Variants in FOXN2 observed in about 807,000 individuals in gnomAD.
The protein encoded by FOXN2 is forkhead box N2, also known as forkhead box protein N2.
In FOXN2, 19 loss-of-function variants were observed where a neutral mutation model predicts 41.2. The ratio of observed to expected loss-of-function variants is 0.46; its 90% confidence interval spans 0.32 to 0.68. The LOEUF (loss-of-function observed/expected upper bound fraction) is 0.68, where lower values mean the gene tolerates loss of function less well. FOXN2 is among the 30% of genes least tolerant of loss of function. The pLI is 0.03. For missense variants in FOXN2, 587 were observed against 509.4 expected (o/e 1.15, Z -1.47); for synonymous variants, 195 against 176.8 (o/e 1.10, Z -0.82).
At chr2:48,374,723 A>T (rs932427919) in intron 6 of FOXN2, among the ~76,000 whole-genome samples, 197 bp from the exon 7 acceptor site, 1 of 152,212 alleles carries the variant, frequency 6.6e-6, no homozygotes, top group African/African-American at 2.4e-5. Flanking sequence ...AAAAGTCAAG[A>T]CATTGTTAAA....
At chr2:48,330,037 C>A (rs897465414) in intron 2 of FOXN2, among the ~76,000 whole-genome samples, 32 of 151,252 alleles carry the variant, frequency 2.1e-4, no homozygotes, top group African/African-American at 7.3e-4. Flanking sequence ...GAGTGAGAAC[C>A]AACCTTAATT....
At position 48,343,083 on chromosome 2, in the gene FOXN2, T is replaced by C. The variant is rs574749645; in HGVS notation, c.-14-3118T>C. On this transcript the variant is annotated intron_variant, in intron 2 of 6. Transcript: ENST00000340553. ...TAAAACTCACTATTTCTGTTTTAAG[T>C]AGTATTGATAAAAATTCAAGTTTCT... Among the ~76,000 whole-genome samples the C allele has an allele frequency of 3.4e-4, 52 of 152,336 alleles. 1 individual carries two copies. Among genetic ancestry groups the C allele is most frequent in the African/African-American group, 1.1e-3 (47 of 41,586 alleles).
rs1398713763 is a variant in FOXN2, at chr2:48,359,270, A to T, written c.638+123A>T. 8.7e-6 allele frequency: 6 copies of T among 689,504 alleles called. No homozygotes were observed. The East Asian group carries it at 9.3e-5, about 11-fold the overall frequency. The allele number at this position is 689,504 out of a possible 1,614,324, so 42.7% of individuals were successfully genotyped here. On this transcript the variant is annotated intron_variant, in intron 4 of 6. Coordinates refer to ENST00000340553, the MANE Select transcript of FOXN2 (RefSeq NM_002158.4). Reference sequence around the variant, plus strand: ...TTGTATAAAGAAGTATTTATGTTTTATTTAGTTTTTAGTTTTTAGTTTTTG... The same window carrying T: ...TTGTATAAAGAAGTATTTATGTTTTTTTTAGTTTTTAGTTTTTAGTTTTTG...
chr2:48,356,781 T>A (rs1388968295), intron 3 of FOXN2, among the ~76,000 whole-genome samples: 1 of 152,236 alleles, frequency 6.6e-6, no homozygotes, highest in African/African-American at 2.4e-5. Context: ...TTACCACTTC[T>A]GTTAAGACAA....
chr2:48,346,173 A>C (rs1458084471), intron 2 of FOXN2, 28 bp from the exon 3 acceptor site: 1 of 1,523,500 alleles, frequency 6.6e-7, no homozygotes, highest in East Asian at 2.3e-5. Flanking sequence ...CTAAAGTATT[A>C]CATTGATAAT....
intron 1 of FOXN2, among the ~76,000 whole-genome samples, chr2:48,327,090 C>G (rs191097131): frequency 6.6e-6 from 1 of 152,122 alleles, no homozygotes; most frequent in East Asian, 1.9e-4. Flanking sequence ...TATCTCCAGA[C>G]CAGACCTCTT....
Position 48,376,163 on chromosome 2 carries a change from G to A in FOXN2, c.*720G>A, listed in dbSNP as rs1041966603. 6.6e-6 allele frequency: 1 copy of A among 152,214 alleles called. No individual in the cohort carries two copies. The highest frequency in any genetic ancestry group is 2.1e-4 in the South Asian group (1 of 4,822). 9.4% of individuals were successfully genotyped at this position (152,214 alleles called of 1,614,324 possible). A position where few individuals can be genotyped will look rare whatever the true frequency, so the allele number is the denominator to read the frequency against. Reference sequence around the variant, plus strand: ...TCAGAGATCCTGCATAGCATTTATTGGGGCCTTTTATTCTTTCCCAAAGTG... The same window carrying A: ...TCAGAGATCCTGCATAGCATTTATTAGGGCCTTTTATTCTTTCCCAAAGTG... On this transcript the variant is annotated 3_prime_UTR_variant, in exon 7 of 7. Transcript: ENST00000340553.
chr2:48,373,381 T>TA (rs763012082), intron 6 of FOXN2, 21 bp downstream of exon 6: 237 of 1,463,828 alleles, frequency 1.6e-4, no homozygotes, highest in Middle Eastern at 3.5e-4. Context: ...ATGCCTTTTT[T>TA]AAAAAAAAAT....
At chr2:48,314,633 G>A (rs887511759), upstream of FOXN2, 4 of 152,438 alleles carry the variant, frequency 2.6e-5, no homozygotes, top group Non-Finnish European at 4.4e-5. Context: ...GAAGGGGAGG[G>A]AGGGGGAGGA....
intron 1 of FOXN2, among the ~76,000 whole-genome samples, chr2:48,321,151 T>A (rs1572692313): frequency 6.6e-6 from 1 of 152,198 alleles, no homozygotes; most frequent in African/African-American, 2.4e-5. Context: ...ATGAATGTAT[T>A]GAGTTCTGCC....
intron 1 of FOXN2, among the ~76,000 whole-genome samples, chr2:48,319,785 ATTTTTTTTTTT>A (rs545797179): frequency 2.3e-4 from 23 of 98,780 alleles, no homozygotes; most frequent in East Asian, 2.7e-4. Flanking sequence ...TAATTTTTTA[ATTTTTTTTTTT>A]TTTTTTTTTT....
intron 3 of FOXN2, among the ~76,000 whole-genome samples, chr2:48,351,589 G>C (rs1671451359): frequency 6.6e-6 from 1 of 152,104 alleles, no homozygotes; most frequent in Non-Finnish European, 1.5e-5. Flanking sequence ...TTCCACCTCA[G>C]ATCATCAGGC....
At chr2:48,359,221 C>T (rs890630128) in intron 4 of FOXN2, 74 bp downstream of exon 4, 1 of 999,830 alleles carries the variant, frequency 1.0e-6, no homozygotes, top group Non-Finnish European at 1.6e-6. Flanking sequence ...ACTTAAAGGT[C>T]CAGGGTATTA....
chr2:48,337,375 G>A (rs1670437229), intron 2 of FOXN2, among the ~76,000 whole-genome samples: 1 of 150,170 alleles, frequency 6.7e-6, no homozygotes, highest in African/African-American at 2.5e-5. Flanking sequence ...TCAGCTCGCT[G>A]TAACCTCCAC....
intron 1 of FOXN2, among the ~76,000 whole-genome samples, chr2:48,326,764 G>GA (rs1669705570): frequency 1.3e-5 from 2 of 152,110 alleles, no homozygotes; most frequent in Non-Finnish European, 2.9e-5. Flanking sequence ...ATCTCCAAGG[G>GA]AAAAATAAAA....
intron 1 of FOXN2, among the ~76,000 whole-genome samples, chr2:48,323,274 G>A (rs965107199): frequency 1.3e-5 from 2 of 152,180 alleles, no homozygotes; most frequent in African/African-American, 4.8e-5. Context: ...CACCTGAAAC[G>A]TCATGGTAGT....
intron 3 of FOXN2, among the ~76,000 whole-genome samples, chr2:48,355,143 C>T (rs1049321193): frequency 5.3e-5 from 8 of 152,072 alleles, no homozygotes; most frequent in South Asian, 2.1e-4. Context: ...GTAAAAGTTA[C>T]AAAACCATAT....
chr2:48,375,263 T>C lies in FOXN2; in HGVS notation c.1116T>C (p.Cys372=). ...LGDSGYASQP[C]AKISEKGQSG... ...ACAGTGGCTATGCATCACAGCCTTG[T>C]GCAAAAATCTCTGAAAAAGGGCAGT... Residue 372 remains cysteine (C), a synonymous_variant, in exon 7 of 7, where the codon TGT becomes TGC. Transcript: ENST00000340553. The C allele has an allele frequency of 1.2e-6, 2 of 1,613,994 alleles. No homozygotes were observed. The highest frequency in any genetic ancestry group is 1.7e-6 in the Non-Finnish European group (2 of 1,180,006).
chr2:48,339,651 A>G (rs945925524), intron 2 of FOXN2, among the ~76,000 whole-genome samples: 1 of 152,216 alleles, frequency 6.6e-6, no homozygotes, highest in African/African-American at 2.4e-5. Flanking sequence ...AGCATTTGGT[A>G]TATACACTCC....
Sources: gnomAD v4.1 joint callset for allele counts (sites outside exome capture counted in the v4.1 genomes callset) on GRCh38, gnomAD v4.1.1 for gene constraint, MANE v1.5 for transcripts, NCBI Gene and HGNC (gene_info 2026-07-23, HGNC 2026-07-21) for gene names.